The following POR variants were observed in gnomAD, a reference collection of about 807,000 sequenced individuals.
POR encodes cytochrome p450 oxidoreductase.
Under a neutral mutation model 84.0 loss-of-function variants are expected in POR, and 56 were observed. The observed-to-expected ratio is 0.67, with a 90% CI of 0.54 to 0.83. The LOEUF (loss-of-function observed/expected upper bound fraction) is 0.83, where lower values mean the gene tolerates loss of function less well. POR is among the 40% of genes least tolerant of loss of function. POR has a pLI of 0.00. For synonymous variants in POR, 414 were observed against 400.5 expected, an observed-to-expected ratio of 1.03 and a Z score of -0.40; for missense variants, 938 against 944.3, an observed-to-expected ratio of 0.99 and a Z score of 0.09.
chr7:75,979,425 A>C (rs1297368693), intron 3 of POR, 26 bp from the exon 4 acceptor site: 1 of 1,609,724 alleles, frequency 6.2e-7, no homozygotes, highest in African/African-American at 1.3e-5. Flanking sequence ...TGTGGCCCTC[A>C]CCAACCCTGT....
chr7:75,977,772 C>T (rs1434001369), intron 3 of POR, among the ~76,000 whole-genome samples: 3 of 151,974 alleles, frequency 2.0e-5, no homozygotes, highest in Admixed American at 6.6e-5. Flanking sequence ...AGCGAGACTC[C>T]GTCTCACACA....
At chr7:75,978,958 G>A (rs1441172291) in intron 3 of POR, among the ~76,000 whole-genome samples, 2 of 152,002 alleles carry the variant, frequency 1.3e-5, no homozygotes, top group Non-Finnish European at 2.9e-5. Context: ...CACCATGCCC[G>A]GCTAATTTTT....
chr7:75,955,847 G>A (rs1393504947), intron 2 of POR, among the ~76,000 whole-genome samples: 1 of 152,196 alleles, frequency 6.6e-6, no homozygotes, highest in African/African-American at 2.4e-5. Context: ...GGCTGGGCAT[G>A]GTGAAGCATG....
intron 2 of POR, among the ~76,000 whole-genome samples, chr7:75,962,307 T>C (rs1787974554): frequency 6.6e-6 from 1 of 152,138 alleles, no homozygotes; most frequent in African/African-American, 2.4e-5. Flanking sequence ...TCCTCCCTTT[T>C]TTTTGAGACA....
chr7:75,932,805 G>A (rs1288646771), intron 1 of POR, among the ~76,000 whole-genome samples: 1 of 152,004 alleles, frequency 6.6e-6, no homozygotes, highest in Non-Finnish European at 1.5e-5. Flanking sequence ...GGATCACGAG[G>A]TCAGGAGTTT....
At position 75,981,164 on chromosome 7, in the gene POR, C is replaced by T. The variant is rs1788999889; in HGVS notation, c.633C>T (p.Asp211=). ...TCTTTGAGCTGGGGTTGGGCGACGACGATGGGAAGTGAGTGCCCACCCTGC... is the reference window on the plus strand; with the variant it reads ...TCTTTGAGCTGGGGTTGGGCGACGATGATGGGAAGTGAGTGCCCACCCTGC... Residue 211 remains aspartate (D), a synonymous_variant, in exon 6 of 16, where the codon GAC becomes GAT. Coordinates refer to ENST00000461988, the MANE Select transcript of POR (RefSeq NM_000941.3). The T allele has an allele frequency of 5.2e-6, 8 of 1,542,570 alleles. No homozygotes were observed. Among genetic ancestry groups the T allele is most frequent in the Admixed American group, 2.0e-5 (1 of 50,356 alleles).
At chr7:75,958,786 C>T (rs11978178) in intron 2 of POR, among the ~76,000 whole-genome samples, 1 of 148,074 alleles carries the variant, frequency 6.8e-6, no homozygotes, top group Non-Finnish European at 1.5e-5. Flanking sequence ...CAAGACCAGC[C>T]TGAGCAACAT....
At chr7:75,960,030 C>T (rs1371664056) in intron 2 of POR, among the ~76,000 whole-genome samples, 1 of 152,070 alleles carries the variant, frequency 6.6e-6, no homozygotes, top group African/African-American at 2.4e-5. Context: ...TGGCTCACGC[C>T]TGGAATCCCA....
At chr7:75,983,996 A>G (rs1483591892) in intron 10 of POR, 140 bp downstream of exon 10, 1 of 690,610 alleles carries the variant, frequency 1.4e-6, no homozygotes, top group Non-Finnish European at 2.4e-6. Context: ...CCACGGTTAC[A>G]GGATCCCAAG....
intron 10 of POR, 28 bp downstream of exon 10, chr7:75,983,884 C>G: frequency 6.5e-7 from 1 of 1,548,162 alleles, no homozygotes; most frequent in Non-Finnish European, 8.8e-7. Context: ...GGCGCCCTGC[C>G]GGGCTCAGGC....
chr7:75,926,718 C>T (rs1055964437), intron 1 of POR, among the ~76,000 whole-genome samples: 1 of 152,082 alleles, frequency 6.6e-6, no homozygotes, highest in Non-Finnish European at 1.5e-5. Flanking sequence ...CGCTTGAACC[C>T]GGGGGGCAGA....
chr7:75,962,402 G>A (rs555876275), intron 2 of POR, among the ~76,000 whole-genome samples: 51 of 152,158 alleles, frequency 3.4e-4, no homozygotes, highest in African/African-American at 1.0e-3. Context: ...TAAGGGGATC[G>A]TCCCATCTCA....
intron 1 of POR, among the ~76,000 whole-genome samples, chr7:75,950,697 A>G (rs996407834): frequency 3.3e-5 from 5 of 152,216 alleles, no homozygotes; most frequent in Non-Finnish European, 5.9e-5. Context: ...TAAATATTAA[A>G]TGTGTTTATA....
At chr7:75,959,041 A>AT (rs1197466010) in intron 2 of POR, among the ~76,000 whole-genome samples, 82 of 152,242 alleles carry the variant, frequency 5.4e-4, no homozygotes, top group African/African-American at 1.7e-3. Context: ...CAGATTTCAG[A>AT]TTTTAGATTA....
chr7:75,949,358 G>T (rs1299016849), intron 1 of POR, among the ~76,000 whole-genome samples: 2 of 152,124 alleles, frequency 1.3e-5, no homozygotes, highest in Non-Finnish European at 2.9e-5. Context: ...GTTTCGCTGT[G>T]TTGGCCAGGC....
chr7:75,985,945 G>A lies in POR; in HGVS notation c.1692G>A (p.Leu564=). 2 of 1,589,896 alleles carry A rather than the reference G, an allele frequency of 1.3e-6. No individual in the cohort carries two copies. The highest frequency in any genetic ancestry group is 1.7e-6 in the Non-Finnish European group (2 of 1,169,296). Residue 564 remains leucine, a synonymous_variant, in exon 14 of 16, where the codon CTG becomes CTA. Coordinates refer to ENST00000461988, the MANE Select transcript of POR (RefSeq NM_000941.3). ...CAGGCAAGGAGGTGGGGGAGACGCT[G>A]CTGTACTACGGCTGCCGCCGCTCGG...
At chr7:75,928,606 A>G (rs1346775747) in intron 1 of POR, among the ~76,000 whole-genome samples, 1 of 152,212 alleles carries the variant, frequency 6.6e-6, no homozygotes, top group Non-Finnish European at 1.5e-5. Flanking sequence ...TGCTTGAACC[A>G]CTGAGTCACC....
chr7:75,971,394 C>T (rs1193019864), intron 2 of POR, among the ~76,000 whole-genome samples: 1 of 152,134 alleles, frequency 6.6e-6, no homozygotes, highest in East Asian at 1.9e-4. Flanking sequence ...CAGCGTTTTT[C>T]ACCTCCTTCA....
rs1006931334 is a variant in POR at position 75,986,656 on chromosome 7, C to T, written c.*175C>T. The stretch of plus-strand genomic sequence containing the variant: ...CTCAGCCCCCAGGCCAGGTGAGGTC[C>T]ACCGGCCCCTGGCAGCACAGCCCAG... On this transcript the variant is annotated 3_prime_UTR_variant, in exon 16 of 16. Coordinates refer to ENST00000461988, the MANE Select transcript of POR (RefSeq NM_000941.3). The T allele has an allele frequency of 1.1e-4, 89 of 793,466 alleles. 1 individual carries two copies. In the Admixed American group the frequency reaches 2.5e-3, roughly 22 times the overall value. 49.2% of individuals were successfully genotyped at this position (793,466 alleles called of 1,614,324 possible).
Sources: allele counts gnomAD v4.1 joint callset (sites outside exome capture counted in the v4.1 genomes callset), GRCh38; gene constraint gnomAD v4.1.1; transcripts MANE v1.5; gene names NCBI Gene and HGNC (gene_info 2026-07-23, HGNC 2026-07-21).